FAM178B: variants seen among roughly 807,000 people sequenced by gnomAD.
FAM178B encodes the protein protein FAM178B.
Under a neutral mutation model 91.7 loss-of-function variants are expected in FAM178B, and 82 were observed. The ratio of observed to expected loss-of-function variants is 0.89; its 90% CI spans 0.75 to 1.07. The LOEUF (loss-of-function observed/expected upper bound fraction) is 1.07. FAM178B is among the 50% of genes least tolerant of loss of function. The pLI, the probability that FAM178B is intolerant of heterozygous loss-of-function variation, is 0.00. For synonymous variants in FAM178B, 368 were observed against 359.4 expected (o/e 1.02, Z -0.27); for missense variants, 769 against 846.7 (o/e 0.91, Z 1.14).
At position 96,967,620 on chromosome 2, in the gene FAM178B, C is replaced by T; in HGVS notation, c.634G>A (p.Ala212Thr). The T allele has an allele frequency of 6.5e-7, 1 of 1,548,592 alleles. No homozygotes were observed. Among genetic ancestry groups the T allele is most frequent in the Non-Finnish European group, 8.7e-7 (1 of 1,146,022 alleles). Residue 212 changes from alanine to threonine, a missense_variant, in exon 5 of 17, where the codon GCC (alanine) becomes ACC (threonine). Transcript: ENST00000490605. ...AGCCTCTCTCGCTCCTGCTCCAGGG[C>T]CTGTTCCCTATAGGAAGTCGAGGGC... is the stretch of plus-strand genomic sequence containing the variant. ...DYLLQEKREQ[A>T]LEQERERLLL...
chr2:96,916,704 TC>T (rs1353368917), intron 12 of FAM178B, among the ~76,000 whole-genome samples: 3 of 152,224 alleles, frequency 2.0e-5, no homozygotes, highest in Non-Finnish European at 4.4e-5. Flanking sequence ...CTTTCATTTT[TC>T]ATGGTTAGGC....
chr2:96,894,005 A>G lies in FAM178B; in HGVS notation c.1697T>C (p.Leu566Pro), dbSNP rs758666340. The G allele has an allele frequency of 6.2e-6, 10 of 1,612,606 alleles. No homozygotes were observed. The highest frequency in any genetic ancestry group is 8.5e-6 in the Non-Finnish European group (10 of 1,179,580). Reference sequence around the variant, plus strand: ...GGGCACAGAGTCCAGGTATTGCCTGAGAGATGATGGCCTCATGAGGCCCAG... The same window carrying G: ...GGGCACAGAGTCCAGGTATTGCCTGGGAGATGATGGCCTCATGAGGCCCAG... ...RLLGLMRPSS[L>P]RQYLDSVPLP... Residue 566 changes from leucine (L) to proline (P), a missense_variant, in exon 14 of 17, where the codon CTC (leucine) becomes CCC (proline). Coordinates refer to ENST00000490605, the MANE Select transcript of FAM178B (RefSeq NM_001122646.3).
chr2:96,985,157 T>C (rs2082407133), intron 1 of FAM178B, among the ~76,000 whole-genome samples: 1 of 152,184 alleles, frequency 6.6e-6, no homozygotes, highest in Admixed American at 6.6e-5. Context: ...TGGGAGGGGA[T>C]ATGAAGGCCC....
intron 14 of FAM178B, among the ~76,000 whole-genome samples, chr2:96,891,196 C>T (rs2080670511): frequency 6.6e-6 from 1 of 152,204 alleles, no homozygotes; most frequent in South Asian, 2.1e-4. Flanking sequence ...CTCATGGCTT[C>T]CTTTGCTGAA....
chr2:96,961,431 C>T (rs994288554), intron 5 of FAM178B, among the ~76,000 whole-genome samples: 1 of 152,100 alleles, frequency 6.6e-6, no homozygotes, highest in African/African-American at 2.4e-5. Context: ...TATCCCACTA[C>T]AACTGAGGGT....
At chr2:96,960,562 C>G in intron 5 of FAM178B, 122 bp from the exon 6 acceptor site, 1 of 1,195,414 alleles carries the variant, frequency 8.4e-7, no homozygotes, top group African/African-American at 1.5e-5. Context: ...GTCCTTGCGG[C>G]AAACCAAGGG....
chr2:96,905,832 A>ACGTATATATG (rs561491615), intron 12 of FAM178B, among the ~76,000 whole-genome samples: 1 of 25,844 alleles, frequency 3.9e-5, no homozygotes, highest in Non-Finnish European at 8.1e-5. Context: ...ATATATATAT[A>ACGTATATATG]TATATATATA....
In FAM178B at chr2:96,947,832, A is replaced by G. The variant is rs1305960379; in HGVS notation, c.1064T>C (p.Ile355Thr). 6 of 1,544,880 alleles carry G rather than the reference A, an allele frequency of 3.9e-6. No individual in the cohort carries two copies. In the East Asian group the frequency reaches 7.3e-5, roughly 19 times the overall value. Residue 355 changes from isoleucine to threonine, a missense_variant, in exon 8 of 17, where the codon ATC (isoleucine) becomes ACC (threonine). Ile to Thr is a moderately conservative substitution (Grantham distance 89). Transcript: ENST00000490605. Reference protein sequence around the residue: ...GLLWDLIVDGIFLQPDEDKHL... With the variant: ...GLLWDLIVDGTFLQPDEDKHL... Reference sequence around the variant, plus strand: ...CCAGTACTGACCAGGCTGAAGGAAGATTCCATCCACAATGAGATCCCACAG... The same window carrying G: ...CCAGTACTGACCAGGCTGAAGGAAGGTTCCATCCACAATGAGATCCCACAG...
chr2:96,967,699 A>G, intron 4 of FAM178B, 72 bp from the exon 5 acceptor site: 1 of 1,071,462 alleles, frequency 9.3e-7, no homozygotes, highest in Non-Finnish European at 1.4e-6. Flanking sequence ...ACTGGGCTGC[A>G]GGTGTTGCCA....
At chr2:96,882,198 A>G (rs911574205) in intron 14 of FAM178B, among the ~76,000 whole-genome samples, 2 of 152,180 alleles carry the variant, frequency 1.3e-5, no homozygotes, top group Admixed American at 6.5e-5. Flanking sequence ...CCCTCCCACC[A>G]GACCCCTCTC....
At chr2:96,934,091 G>A (rs1335362168) in intron 8 of FAM178B, among the ~76,000 whole-genome samples, 1 of 152,250 alleles carries the variant, frequency 6.6e-6, no homozygotes, top group Non-Finnish European at 1.5e-5. Context: ...ACCAGGTGCT[G>A]TTCTAAATGC....
chr2:96,927,026 T>G (rs1189023041), intron 9 of FAM178B, among the ~76,000 whole-genome samples: 1 of 152,122 alleles, frequency 6.6e-6, no homozygotes, highest in East Asian at 1.9e-4. Flanking sequence ...AGCCTCTGAG[T>G]TGGTGAGGAG....
intron 12 of FAM178B, among the ~76,000 whole-genome samples, chr2:96,917,039 A>G (rs2081252067): frequency 6.6e-6 from 1 of 152,172 alleles, no homozygotes. Flanking sequence ...GGAGCCCTTT[A>G]CAACCCAATC....
intron 6 of FAM178B, among the ~76,000 whole-genome samples, chr2:96,954,673 C>T (rs557206201): frequency 6.6e-6 from 1 of 152,266 alleles, no homozygotes; most frequent in East Asian, 1.9e-4. Flanking sequence ...TCAAATCAGT[C>T]TGAATAAAAT....
intron 9 of FAM178B, among the ~76,000 whole-genome samples, chr2:96,925,622 G>A (rs76474270): frequency 3.3e-5 from 5 of 152,210 alleles, no homozygotes; most frequent in African/African-American, 1.2e-4. Flanking sequence ...TGAGCTGATG[G>A]TCCCACCATT....
intron 9 of FAM178B, 137 bp downstream of exon 9, chr2:96,929,069 G>T: frequency 1.5e-6 from 1 of 651,396 alleles, no homozygotes; most frequent in Non-Finnish European, 2.7e-6. Flanking sequence ...GAGGTGGGAG[G>T]ATCACTTGAG....
chr2:96,934,238 G>A (rs890530856), intron 8 of FAM178B, among the ~76,000 whole-genome samples: 1 of 152,196 alleles, frequency 6.6e-6, no homozygotes, highest in African/African-American at 2.4e-5. Context: ...TGGGAGGAAG[G>A]GTGGTCAGGG....
rs188288821 is a variant in FAM178B, at chr2:96,964,383, G to A, written c.734+3137C>T. Among the ~76,000 whole-genome samples the A allele has an allele frequency of 1.6e-3, 237 of 152,188 alleles. 1 individual carries two copies. Among genetic ancestry groups the A allele is most frequent in the South Asian group, 7.3e-3 (35 of 4,820 alleles). On this transcript the variant is annotated intron_variant, in intron 5 of 16. Transcript: ENST00000490605. ...TGAATGCAGAATGCTAACCTAGGGC[G>A]TGCAACTGAACTTCGCCCATGTGGT...
intron 12 of FAM178B, among the ~76,000 whole-genome samples, chr2:96,911,528 G>A (rs542696752): frequency 3.9e-5 from 6 of 152,344 alleles, no homozygotes; most frequent in Non-Finnish European, 7.3e-5. Context: ...AGGCTGCACC[G>A]TGGCATTTCA....
Sources: allele counts gnomAD v4.1 joint callset (sites outside exome capture counted in the v4.1 genomes callset), GRCh38; gene constraint gnomAD v4.1.1; transcripts MANE v1.5; gene names NCBI Gene and HGNC (gene_info 2026-07-23, HGNC 2026-07-21).